Variants in ATG10 observed in about 807,000 individuals in gnomAD.
The protein encoded by ATG10 is autophagy related 10, also known as ubiquitin-like-conjugating enzyme ATG10.
ATG10 carries 30 observed loss-of-function variants against 32.1 expected under a neutral mutation model. That is an observed-to-expected ratio of 0.94 (90% confidence interval 0.70 to 1.27). The LOEUF is 1.27. ATG10 is among the 50% of genes most tolerant of loss of function. ATG10 has a pLI of 0.00. For synonymous variants in ATG10, 87 were observed against 91.5 expected (o/e 0.95, Z 0.28); for missense variants, 233 against 262.3 (o/e 0.89, Z 0.77).
chr5:81,997,068 C>A (rs1481959141), intron 2 of ATG10, among the ~76,000 whole-genome samples: 1 of 152,228 alleles, frequency 6.6e-6, no homozygotes, highest in Non-Finnish European at 1.5e-5. Context: ...ACCCCCTCAC[C>A]CTGTGCCACC....
In ATG10 at chr5:82,135,235, T is replaced by C. The variant is rs569103806; in HGVS notation, c.217-29164T>C. ...ATGTCTCTGTCTTCTTCAGTTCTGC[T>C]CTGATCTTAGTTACTTCTTGTCTTG... On this transcript the variant is annotated intron_variant, in intron 3 of 7. Transcript: ENST00000282185. Among the ~76,000 whole-genome samples the C allele has an allele frequency of 1.1e-3, 166 of 152,322 alleles. 1 individual carries two copies. The South Asian group carries it at 0.012, about 11-fold the overall frequency.
intron 3 of ATG10, among the ~76,000 whole-genome samples, chr5:82,080,242 T>A (rs543626447): frequency 9.2e-5 from 14 of 152,266 alleles, no homozygotes; most frequent in East Asian, 3.9e-4. Context: ...GTTTGAGTTC[T>A]TTGTAGATTC....
intron 5 of ATG10, among the ~76,000 whole-genome samples, chr5:82,196,526 T>G (rs997412248): frequency 1.3e-5 from 2 of 152,176 alleles, no homozygotes; most frequent in African/African-American, 4.8e-5. Flanking sequence ...CTTTTACATT[T>G]AGGTCTTTCA....
chr5:82,047,770 G>T (rs1763276088), intron 2 of ATG10, among the ~76,000 whole-genome samples: 2 of 152,186 alleles, frequency 1.3e-5, no homozygotes, highest in African/African-American at 4.8e-5. Context: ...GACTTGGTAG[G>T]TTCGAGAGCT....
intron 3 of ATG10, among the ~76,000 whole-genome samples, chr5:82,113,931 TG>T (rs1765695919): frequency 6.6e-6 from 1 of 152,056 alleles, no homozygotes; most frequent in Non-Finnish European, 1.5e-5. Context: ...GCCTAGTTTT[TG>T]TACTTTGATT....
At chr5:82,012,179 C>T (rs1174331050) in intron 2 of ATG10, among the ~76,000 whole-genome samples, 1 of 152,178 alleles carries the variant, frequency 6.6e-6, no homozygotes, top group Non-Finnish European at 1.5e-5. Flanking sequence ...CACAGACTCC[C>T]ACTGTTCTTG....
At chr5:82,249,946 C>A (rs959494221) in intron 5 of ATG10, among the ~76,000 whole-genome samples, 2 of 152,124 alleles carry the variant, frequency 1.3e-5, no homozygotes, top group Non-Finnish European at 2.9e-5. Context: ...AGAGTGGAGG[C>A]TGCGTGATTG....
intron 5 of ATG10, among the ~76,000 whole-genome samples, chr5:82,195,746 A>G (rs1744828935): frequency 6.6e-6 from 1 of 152,234 alleles, no homozygotes; most frequent in Admixed American, 6.5e-5. Context: ...ACATTCCATT[A>G]TAATAGATAT....
intron 2 of ATG10, among the ~76,000 whole-genome samples, chr5:82,041,818 G>T (rs552861841): frequency 1.7e-3 from 259 of 151,262 alleles, no homozygotes; most frequent in African/African-American, 6.0e-3. Context: ...TTTTTGGTCT[G>T]TTTCATTTCG....
intron 2 of ATG10, among the ~76,000 whole-genome samples, chr5:82,048,735 G>A (rs1033968647): frequency 7.9e-5 from 12 of 152,080 alleles, no homozygotes; most frequent in East Asian, 3.9e-4. Context: ...AAAAGTGGGC[G>A]AAGGACATGA....
At chr5:82,086,124 A>C (rs1240621561) in intron 3 of ATG10, among the ~76,000 whole-genome samples, 1 of 152,306 alleles carries the variant, frequency 6.6e-6, no homozygotes, top group Middle Eastern at 3.4e-3. Flanking sequence ...ACCATTTCCC[A>C]TTATTTACTA....
At chr5:82,109,661 G>A (rs1765551672) in intron 3 of ATG10, among the ~76,000 whole-genome samples, 2 of 151,598 alleles carry the variant, frequency 1.3e-5, no homozygotes, top group Admixed American at 6.6e-5. Flanking sequence ...GGATTAAAAA[G>A]TTACCCCTCA....
intron 5 of ATG10, among the ~76,000 whole-genome samples, chr5:82,191,536 C>T (rs1016635564): frequency 6.6e-6 from 1 of 152,166 alleles, no homozygotes; most frequent in Non-Finnish European, 1.5e-5. Flanking sequence ...ATTCTCCACA[C>T]TTTAGAGAAG....
At chr5:81,992,645 C>T (rs2149673614) in intron 2 of ATG10, among the ~76,000 whole-genome samples, 2 of 152,226 alleles carry the variant, frequency 1.3e-5, no homozygotes, top group South Asian at 4.1e-4. Context: ...CTTAAGTGAT[C>T]TACCCGCCTT....
chr5:82,139,829 G>A (rs1337704827), intron 3 of ATG10, among the ~76,000 whole-genome samples: 8 of 142,372 alleles, frequency 5.6e-5, no homozygotes, highest in Non-Finnish European at 7.7e-5. Context: ...CACCCCATCC[G>A]GGAGGGAGAT....
intron 3 of ATG10, among the ~76,000 whole-genome samples, chr5:82,114,523 G>A (rs527893326): frequency 7.2e-5 from 11 of 152,108 alleles, no homozygotes; most frequent in African/African-American, 2.6e-4. Context: ...TATATTTTGA[G>A]TCAATTGAGG....
At chr5:82,224,241 G>A (rs1381735042) in intron 5 of ATG10, among the ~76,000 whole-genome samples, 1 of 152,168 alleles carries the variant, frequency 6.6e-6, no homozygotes, top group African/African-American at 2.4e-5. Context: ...GTTTGTGCCA[G>A]CCTGCAGGGA....
At chr5:82,216,980 G>A (rs970157275) in intron 5 of ATG10, among the ~76,000 whole-genome samples, 3 of 151,924 alleles carry the variant, frequency 2.0e-5, no homozygotes, top group Admixed American at 6.6e-5. Context: ...ACTTGAACCC[G>A]GGAGGTGGAG....
At chr5:82,004,723 G>A (rs968332918) in intron 2 of ATG10, among the ~76,000 whole-genome samples, 3 of 152,186 alleles carry the variant, frequency 2.0e-5, no homozygotes, top group African/African-American at 7.2e-5. Context: ...CTGCCAGCTG[G>A]TTCAGTGAGA....
Sources: allele counts gnomAD v4.1 joint callset (sites outside exome capture counted in the v4.1 genomes callset), GRCh38; gene constraint gnomAD v4.1.1; transcripts MANE v1.5; gene names NCBI Gene and HGNC (gene_info 2026-07-23, HGNC 2026-07-21).